AGBL1: variants seen among roughly 807,000 people sequenced by gnomAD.
The protein encoded by AGBL1 is AGBL carboxypeptidase 1, also known as cytosolic carboxypeptidase 4.
A neutral mutation model predicts 118.9 loss-of-function variants in AGBL1; 130 were observed. The observed-to-expected ratio is 1.09, with a 90% confidence interval of 0.95 to 1.26. The LOEUF is 1.26. Ranked by LOEUF, AGBL1 falls within the 50% of genes most tolerant of loss-of-function variation. The probability of loss-of-function intolerance (pLI) is 0.00; values close to 1 mark genes in which losing one functional copy is unlikely to be tolerated. For synonymous variants in AGBL1, 555 were observed against 478.9 expected (o/e 1.16, Z -2.08); for missense variants, 1,584 against 1,298.1 (o/e 1.22, Z -3.38).
At chr15:86,829,158 G>A (rs1381896259) in intron 22 of AGBL1, among the ~76,000 whole-genome samples, 1 of 152,036 alleles carries the variant, frequency 6.6e-6, no homozygotes, top group Non-Finnish European at 1.5e-5. Flanking sequence ...TCAGAGGGAT[G>A]CAGTCTCTAC....
chr15:86,785,852 C>T (rs2078404967), intron 22 of AGBL1, among the ~76,000 whole-genome samples: 1 of 152,086 alleles, frequency 6.6e-6, no homozygotes, highest in African/African-American at 2.4e-5. Context: ...TAGTGGGGTA[C>T]AGAGGGTAAG....
At chr15:86,545,260 G>A (rs1431941991) in intron 19 of AGBL1, among the ~76,000 whole-genome samples, 1 of 152,190 alleles carries the variant, frequency 6.6e-6, no homozygotes, top group African/African-American at 2.4e-5. Context: ...ATAATCCTTT[G>A]TTTGATAAGC....
At chr15:86,645,216 CAA>C (rs1467531753) in intron 21 of AGBL1, among the ~76,000 whole-genome samples, 1 of 151,952 alleles carries the variant, frequency 6.6e-6, no homozygotes, top group Non-Finnish European at 1.5e-5. Context: ...ATTTAGGAGT[CAA>C]ATGTTTTAGG....
chr15:86,279,867 A>G, intron 16 of AGBL1, 84 bp downstream of exon 16: 1 of 1,518,042 alleles, frequency 6.6e-7, no homozygotes, highest in Non-Finnish European at 9.1e-7. Context: ...AGACCCTGAC[A>G]TCCTGATGGG....
At chr15:86,897,497 A>C (rs916431914) in intron 22 of AGBL1, among the ~76,000 whole-genome samples, 12 of 151,496 alleles carry the variant, frequency 7.9e-5, no homozygotes, top group Non-Finnish European at 1.8e-4. Context: ...TCTCCTATTA[A>C]CTTCTTTCTT....
At chr15:86,406,387 T>C (rs1429772113) in intron 18 of AGBL1, among the ~76,000 whole-genome samples, 3 of 152,240 alleles carry the variant, frequency 2.0e-5, no homozygotes, top group African/African-American at 7.2e-5. Flanking sequence ...ACCCTGTCTA[T>C]GTGACTTCAT....
intron 1 of AGBL1, chr15:86,107,718 T>G (rs2141525607): frequency 6.6e-6 from 1 of 152,188 alleles, no homozygotes; most frequent in South Asian, 2.1e-4. Context: ...GTGTTCTGGG[T>G]TTTTCTGTTG....
chr15:86,690,910 A>G (rs1258690418), intron 22 of AGBL1, among the ~76,000 whole-genome samples: 1 of 152,160 alleles, frequency 6.6e-6, no homozygotes, highest in Non-Finnish European at 1.5e-5. Context: ...TAATTTATTT[A>G]TTTATGAATT....
chr15:86,575,691 G>A (rs560041383), intron 21 of AGBL1, among the ~76,000 whole-genome samples: 2 of 151,994 alleles, frequency 1.3e-5, no homozygotes, highest in African/African-American at 4.8e-5. Flanking sequence ...CTGGGCTCAA[G>A]TGATCCTCCT....
At chr15:86,110,164 G>C (rs1249617179) in intron 1 of AGBL1, among the ~76,000 whole-genome samples, 2 of 152,196 alleles carry the variant, frequency 1.3e-5, no homozygotes, top group African/African-American at 4.8e-5. Flanking sequence ...CTCTGGTAGT[G>C]ACAAATAGCA....
Position 86,363,879 on chromosome 15 carries a change from A to G in AGBL1, c.2375-33487A>G, listed in dbSNP as rs1219103003. On this transcript the variant is annotated intron_variant, in intron 17 of 22. Transcript: ENST00000614907. ...GCTCCCTCTTGACTTGCTCTTCCTT[A>G]TATCACCATTATCCACACTATTCAG... Among the ~76,000 whole-genome samples, 8 of 152,162 alleles carry G rather than the reference A, an allele frequency of 5.3e-5. No individual in the cohort carries two copies. In the South Asian group the frequency reaches 1.7e-3, roughly 32 times the overall value.
At chr15:86,150,629 A>G (rs1008676115) in intron 3 of AGBL1, among the ~76,000 whole-genome samples, 2 of 151,956 alleles carry the variant, frequency 1.3e-5, no homozygotes, top group Non-Finnish European at 1.5e-5. Flanking sequence ...GAAGCAATAA[A>G]TAGCCTACCA....
At chr15:86,797,530 G>C (rs375428401) in intron 22 of AGBL1, among the ~76,000 whole-genome samples, 2 of 152,190 alleles carry the variant, frequency 1.3e-5, no homozygotes, top group Admixed American at 6.5e-5. Flanking sequence ...GCTAATTGCT[G>C]ATAGCTCTCT....
intron 17 of AGBL1, among the ~76,000 whole-genome samples, chr15:86,375,066 T>G (rs930884996): frequency 3.3e-5 from 5 of 152,212 alleles, no homozygotes; most frequent in African/African-American, 1.2e-4. Context: ...ACTCAGCCAC[T>G]TGGGTTCAAC....
chr15:86,834,813 T>C (rs11073677), intron 22 of AGBL1, among the ~76,000 whole-genome samples: 118,271 of 152,066 alleles, frequency 0.78, 47,017 homozygotes, highest in East Asian at 0.89. Context: ...CGTGAGATGC[T>C]ATGAGACCTA....
chr15:86,137,776 C>T (rs771790308), intron 1 of AGBL1, among the ~76,000 whole-genome samples: 14 of 152,162 alleles, frequency 9.2e-5, no homozygotes, highest in Non-Finnish European at 1.9e-4. Context: ...GACCCACATC[C>T]TCCATCAACA....
rs1050743684 is a variant in AGBL1 at position 86,413,652 on chromosome 15, TG to T, written c.2555+16109del. 2.1e-4 allele frequency among the ~76,000 whole-genome samples: 32 copies of T among 152,206 alleles called. 1 individual carries two copies. The highest frequency in any genetic ancestry group is 7.7e-4 in the African/African-American group (32 of 41,470). On this transcript the variant is annotated intron_variant, in intron 18 of 22. Coordinates refer to ENST00000614907, the MANE Select transcript of AGBL1 (RefSeq NM_001386094.1). ...GTGTTGGGTATTTTTTAGGTGCTTG[TG>T]GGACATTTGTATATCTTCTTTTGAA...
At chr15:86,750,976 T>C (rs2077842364) in intron 22 of AGBL1, among the ~76,000 whole-genome samples, 1 of 152,116 alleles carries the variant, frequency 6.6e-6, no homozygotes, top group East Asian at 1.9e-4. Context: ...GATCTCATTC[T>C]TTTTTGTGGC....
At chr15:86,095,633 A>T (rs1392442913) in intron 1 of AGBL1, among the ~76,000 whole-genome samples, 1 of 142,538 alleles carries the variant, frequency 7.0e-6, no homozygotes, top group Non-Finnish European at 1.5e-5. Flanking sequence ...ATAATGTCAC[A>T]TGACCTTGGA....
Sources: allele counts gnomAD v4.1 joint callset (sites outside exome capture counted in the v4.1 genomes callset), GRCh38; gene constraint gnomAD v4.1.1; transcripts MANE v1.5; gene names NCBI Gene and HGNC (gene_info 2026-07-23, HGNC 2026-07-21).